CLPX: variants seen among roughly 807,000 people sequenced by gnomAD.
CLPX encodes the protein caseinolytic mitochondrial matrix peptidase chaperone subunit X, also known as ATP-dependent clpX-like chaperone, mitochondrial.
CLPX carries 34 observed loss-of-function variants against 76.4 expected under a neutral mutation model. That is an observed-to-expected ratio of 0.45 (90% CI 0.34 to 0.59). The LOEUF is 0.59. CLPX is among the 20% of genes least tolerant of loss of function. The pLI, the probability that CLPX is intolerant of heterozygous loss-of-function variation, is 0.01. For missense variants in CLPX, 613 were observed against 757.0 expected (o/e 0.81, Z 2.23); for synonymous variants, 248 against 270.9 (o/e 0.92, Z 0.83).
chr15:65,185,046 A>G (rs2088238549), intron 1 of CLPX, 29 bp downstream of exon 1: 38 of 1,051,132 alleles, frequency 3.6e-5, no homozygotes, highest in Non-Finnish European at 4.7e-5. Flanking sequence ...CGACAGGCTG[A>G]GGGCTCAGGA....
intron 1 of CLPX, among the ~76,000 whole-genome samples, chr15:65,184,120 G>A (rs1224368451): frequency 1.3e-5 from 2 of 152,192 alleles, no homozygotes; most frequent in African/African-American, 4.8e-5. Context: ...TGGCTTAGAA[G>A]TTAGATAAAA....
At position 65,155,696 on chromosome 15, in the gene CLPX, T is replaced by C; in HGVS notation, c.1307A>G (p.Glu436Gly). Residue 436 changes from glutamate to glycine, a missense_variant, in exon 10 of 14, where the codon GAA becomes GGA. Transcript: ENST00000300107. ...TAACCCCTCAGAAAAACTTACCTTT[T>C]CATTTTTCCTCCTGCTGATGATTCT... is the stretch of plus-strand genomic sequence containing the variant. The part of the protein sequence containing the change: ...LDRIISRRKN[E>G]KYLGFGTPSN... The C allele has an allele frequency of 6.2e-7, 1 of 1,611,016 alleles. No individual in the cohort carries two copies. The highest frequency in any genetic ancestry group is 8.5e-7 in the Non-Finnish European group (1 of 1,178,384).
At position 65,164,152 on chromosome 15, in the gene CLPX, A is replaced by G. The variant is rs754025732; in HGVS notation, c.550T>C (p.Ser184Pro). 7.4e-6 allele frequency: 12 copies of G among 1,612,422 alleles called. No homozygotes were observed. In the African/African-American group the frequency reaches 1.6e-4, roughly 22 times the overall value. ...ACTGAAAGCACCTTCTTAGCAAATG[A>G]CTGGCCAACAACATACTTGTCGAGG... ...NYLDKYVVGQ[S>P]FAKKVLSVAV... The change falls in exon 5 of 14, where the codon TCA becomes CCA. Residue 184 changes from serine to proline, a missense_variant. Coordinates refer to ENST00000300107, the MANE Select transcript of CLPX (RefSeq NM_006660.5).
intron 11 of CLPX, 68 bp downstream of exon 11, chr15:65,154,714 T>C: frequency 4.7e-6 from 6 of 1,272,418 alleles, no homozygotes; most frequent in Non-Finnish European, 5.4e-6. Flanking sequence ...TGTTGTTAGG[T>C]TAATTTATGT....
chr15:65,163,818 A>G (rs1365533790), intron 5 of CLPX, among the ~76,000 whole-genome samples: 1 of 152,184 alleles, frequency 6.6e-6, no homozygotes, highest in Admixed American at 6.6e-5. Context: ...ACTGTAAGTT[A>G]ATGTATTCTG....
At position 65,176,504 on chromosome 15, in the gene CLPX, T is replaced by C. The variant is rs79650689; in HGVS notation, c.358+2430A>G. On this transcript the variant is annotated intron_variant, in intron 3 of 13. Coordinates refer to ENST00000300107, the MANE Select transcript of CLPX (RefSeq NM_006660.5). ...CTCTTTGTTCTGGCAAAATTAAGGG[T>C]GCAAGAATAAAACTATATATGTTGG... Among the ~76,000 whole-genome samples, 904 of 152,290 alleles carry C rather than the reference T, an allele frequency of 5.9e-3. 8 individuals are homozygous for C. Among genetic ancestry groups the C allele is most frequent in the African/African-American group, 0.021 (879 of 41,566 alleles).
At chr15:65,174,740 G>A (rs1020826804) in intron 3 of CLPX, among the ~76,000 whole-genome samples, 1 of 152,184 alleles carries the variant, frequency 6.6e-6, no homozygotes, top group East Asian at 1.9e-4. Flanking sequence ...GCATACTCAA[G>A]TCCTGCAGTC....
intron 3 of CLPX, among the ~76,000 whole-genome samples, chr15:65,168,492 G>T (rs1015935294): frequency 7.0e-6 from 1 of 142,264 alleles, no homozygotes; most frequent in Non-Finnish European, 1.5e-5. Context: ...GCAAACTATC[G>T]CAAGGACAGA....
At chr15:65,168,104 T>G (rs984066694) in intron 3 of CLPX, among the ~76,000 whole-genome samples, 28 of 150,774 alleles carry the variant, frequency 1.9e-4, no homozygotes, top group African/African-American at 6.8e-4. Flanking sequence ...TTTTAAAAAT[T>G]TTTGGCCAGG....
intron 3 of CLPX, among the ~76,000 whole-genome samples, chr15:65,174,983 G>GAT (rs2088069843): frequency 1.3e-5 from 2 of 152,180 alleles, no homozygotes; most frequent in South Asian, 4.1e-4. Flanking sequence ...GTTCAATGAA[G>GAT]ATATGTTATA....
chr15:65,180,624 G>A (rs987976083), intron 1 of CLPX, among the ~76,000 whole-genome samples: 3 of 152,098 alleles, frequency 2.0e-5, no homozygotes, highest in African/African-American at 4.8e-5. Context: ...TATCTGGGCC[G>A]GGTGTGGTGG....
At chr15:65,169,758 C>CT (rs1204212863) in intron 3 of CLPX, among the ~76,000 whole-genome samples, 3,102 of 142,994 alleles carry the variant, frequency 0.022, 87 homozygotes, top group African/African-American at 0.066. Flanking sequence ...GATATATTTA[C>CT]TTTTTTTTTT....
In CLPX at chr15:65,150,106, C is replaced by G. The variant is rs897265620; in HGVS notation, c.*717G>C. On this transcript the variant is annotated 3_prime_UTR_variant, in exon 14 of 14. Transcript: ENST00000300107. The stretch of plus-strand genomic sequence containing the variant: ...ACGGAGTCTCACTTTGTCGCCCAGG[C>G]TGGAGTGCAGTGGCACAACCTCAGC... 6.6e-6 allele frequency: 1 copy of G among 152,234 alleles called. No individual in the cohort carries two copies. Among genetic ancestry groups the G allele is most frequent in the African/African-American group, 2.4e-5 (1 of 41,452 alleles). The allele number at this position is 152,234 out of a possible 1,614,324, so 9.4% of individuals were successfully genotyped here. A position where few individuals can be genotyped will look rare whatever the true frequency, so the allele number is the denominator to read the frequency against.
intron 5 of CLPX, 22 bp from the exon 6 acceptor site, chr15:65,162,667 T>C (rs533161571): frequency 6.8e-7 from 1 of 1,467,576 alleles, no homozygotes; most frequent in Non-Finnish European, 9.5e-7. Context: ...GATGAAAATA[T>C]TACATATTTG....
In CLPX at chr15:65,185,283, A is replaced by C. The variant is rs573204664; in HGVS notation, c.-130T>G. The C allele has an allele frequency of 2.7e-4, 187 of 694,942 alleles. No homozygotes were observed. In the African/African-American group the frequency reaches 3.0e-3, roughly 11 times the overall value. 43.0% of individuals were successfully genotyped at this position (694,942 alleles called of 1,614,324 possible). A position where few individuals can be genotyped will look rare whatever the true frequency, so the allele number is the denominator to read the frequency against. ...GGGCCCTAGACCCCGTGGAGAGTTC[A>C]CCTGCCCGGCAGCCAGGCCTTCACG... On this transcript the variant is annotated 5_prime_UTR_variant, in exon 1 of 14. Coordinates refer to ENST00000300107, the MANE Select transcript of CLPX (RefSeq NM_006660.5).
rs1399282802 is a variant in CLPX, at chr15:65,185,326, C to T, written c.-173G>A. 4 of 590,322 alleles carry T rather than the reference C, an allele frequency of 6.8e-6. No individual in the cohort carries two copies. Among genetic ancestry groups the T allele is most frequent in the Admixed American group, 3.1e-5 (1 of 32,728 alleles). The allele number at this position is 590,322 out of a possible 1,614,324, so 36.6% of individuals were successfully genotyped here. A position where few individuals can be genotyped will look rare whatever the true frequency, so the allele number is the denominator to read the frequency against. ...CCTTCACGCTTCTCTGCCCCACAGCCGTCTATTCACCAGAGTAGACACCCA... is the reference window on the plus strand; with the variant it reads ...CCTTCACGCTTCTCTGCCCCACAGCTGTCTATTCACCAGAGTAGACACCCA... On this transcript the variant is annotated 5_prime_UTR_variant, in exon 1 of 14. Coordinates refer to ENST00000300107, the MANE Select transcript of CLPX (RefSeq NM_006660.5).
intron 3 of CLPX, among the ~76,000 whole-genome samples, chr15:65,175,584 T>C (rs540067678): frequency 2.1e-4 from 32 of 152,136 alleles, no homozygotes; most frequent in African/African-American, 7.5e-4. Context: ...TGTTTCAGAG[T>C]TCAAATGTTT....
chr15:65,150,948 A>G, intron 13 of CLPX, 35 bp from the exon 14 acceptor site: 1 of 1,449,958 alleles, frequency 6.9e-7, no homozygotes. Flanking sequence ...TTTTTAAAAT[A>G]AAAAATGGAG....
intron 1 of CLPX, among the ~76,000 whole-genome samples, chr15:65,183,843 G>A (rs1303190637): frequency 1.3e-5 from 2 of 152,156 alleles, no homozygotes; most frequent in Admixed American, 6.6e-5. Context: ...CTAAAAGAAG[G>A]CCTGACACAC....
Sources: gnomAD v4.1 joint callset for allele counts (sites outside exome capture counted in the v4.1 genomes callset) on GRCh38, gnomAD v4.1.1 for gene constraint, MANE v1.5 for transcripts, NCBI Gene and HGNC (gene_info 2026-07-23, HGNC 2026-07-21) for gene names.